Variants in KLHL1 observed in about 807,000 individuals in gnomAD.
The protein encoded by KLHL1 is kelch like family member 1.
In KLHL1, 47 loss-of-function variants were observed where a neutral mutation model predicts 77.7. The ratio of observed to expected loss-of-function variants is 0.60; its 90% confidence interval spans 0.48 to 0.77. The LOEUF (loss-of-function observed/expected upper bound fraction) is 0.77, where lower values mean the gene tolerates loss of function less well. KLHL1 is among the 30% of genes least tolerant of loss of function. The pLI, the probability that KLHL1 is intolerant of heterozygous loss-of-function variation, is 0.00. For synonymous variants in KLHL1, 360 were observed against 325.2 expected, an observed-to-expected ratio of 1.11 and a Z score of -1.15; for missense variants, 925 against 910.8, an observed-to-expected ratio of 1.02 and a Z score of -0.20.
chr13:69,829,007 T>G (rs1400454646), intron 6 of KLHL1, among the ~76,000 whole-genome samples: 1 of 150,428 alleles, frequency 6.6e-6, no homozygotes, highest in African/African-American at 2.5e-5. Context: ...TCTTAGGAGC[T>G]CTAAGGCCTT....
chr13:69,995,011 G>T (rs956120157), intron 1 of KLHL1, among the ~76,000 whole-genome samples: 1 of 152,236 alleles, frequency 6.6e-6, no homozygotes, highest in Non-Finnish European at 1.5e-5. Flanking sequence ...ACCAAAGACA[G>T]TGTGGACACG....
At chr13:70,091,699 T>C (rs1268530563) in intron 1 of KLHL1, among the ~76,000 whole-genome samples, 5 of 152,154 alleles carry the variant, frequency 3.3e-5, no homozygotes, top group Non-Finnish European at 7.4e-5. Flanking sequence ...TTTTTATTTA[T>C]TTTGTCTTTT....
intron 7 of KLHL1, among the ~76,000 whole-genome samples, chr13:69,745,947 A>T (rs1874196100): frequency 6.6e-6 from 1 of 151,640 alleles, no homozygotes; most frequent in South Asian, 2.1e-4. Context: ...TGTCTCTTCT[A>T]ATCCAGAACA....
At chr13:70,003,340 A>C (rs1885340157) in intron 1 of KLHL1, among the ~76,000 whole-genome samples, 1 of 151,774 alleles carries the variant, frequency 6.6e-6, no homozygotes, top group African/African-American at 2.4e-5. Context: ...TTTTCACATA[A>C]GAAGAAGCAA....
At chr13:69,714,894 G>GATATCCTTCT (rs1359323277) in intron 9 of KLHL1, among the ~76,000 whole-genome samples, 5 of 152,008 alleles carry the variant, frequency 3.3e-5, no homozygotes, top group Non-Finnish European at 7.4e-5. Context: ...GCACCCGGCC[G>GATATCCTTCT]ATATCCTTCT....
At chr13:69,884,426 C>CAAAA (rs60883710) in intron 4 of KLHL1, among the ~76,000 whole-genome samples, 1 of 64,898 alleles carries the variant, frequency 1.5e-5, no homozygotes, top group Admixed American at 1.8e-4. Flanking sequence ...TCAGATTTTT[C>CAAAA]AAAAAAAAAA....
rs868577973 is a variant in KLHL1, at chr13:69,787,923, C to T, written c.1639+8815G>A. On this transcript the variant is annotated intron_variant, in intron 7 of 10. Transcript: ENST00000377844. Reference sequence around the variant, plus strand: ...ATGAAAAAATGCTCATCATCACTGGCCATCAGAGAAATGCAAATCAAAACC... The same window carrying T: ...ATGAAAAAATGCTCATCATCACTGGTCATCAGAGAAATGCAAATCAAAACC... Among the ~76,000 whole-genome samples the T allele has an allele frequency of 4.4e-3, 671 of 152,258 alleles. 1 individual carries two copies. Among genetic ancestry groups the T allele is most frequent in the African/African-American group, 0.015 (639 of 41,548 alleles).
chr13:70,076,387 C>CCT (rs1555295454), intron 1 of KLHL1, among the ~76,000 whole-genome samples: 23 of 139,870 alleles, frequency 1.6e-4, no homozygotes, highest in African/African-American at 6.1e-4. Context: ...AAAGGATAAT[C>CCT]TTTTTTTTTT....
At chr13:69,842,909 A>G (rs543291277) in intron 5 of KLHL1, among the ~76,000 whole-genome samples, 1 of 151,732 alleles carries the variant, frequency 6.6e-6, no homozygotes, top group Non-Finnish European at 1.5e-5. Context: ...ACTGGAGGTC[A>G]TTATCTTAAG....
At chr13:70,049,026 A>T (rs1334052395) in intron 1 of KLHL1, among the ~76,000 whole-genome samples, 1 of 152,194 alleles carries the variant, frequency 6.6e-6, no homozygotes, top group Admixed American at 6.5e-5. Flanking sequence ...TTCATTTGTG[A>T]TAGCTTAGCC....
At chr13:69,837,067 C>A (rs1879023387) in intron 6 of KLHL1, among the ~76,000 whole-genome samples, 1 of 151,634 alleles carries the variant, frequency 6.6e-6, no homozygotes, top group Admixed American at 6.6e-5. Flanking sequence ...TTTTTTAAGA[C>A]AAAATTTTTT....
At chr13:69,754,607 C>T (rs1217222706) in intron 7 of KLHL1, among the ~76,000 whole-genome samples, 1 of 152,120 alleles carries the variant, frequency 6.6e-6, no homozygotes, top group Non-Finnish European at 1.5e-5. Context: ...CTCCCCATAG[C>T]ACCTAATAGA....
intron 1 of KLHL1, among the ~76,000 whole-genome samples, chr13:69,984,426 G>T (rs921902396): frequency 7.9e-5 from 12 of 152,076 alleles, no homozygotes; most frequent in Admixed American, 7.9e-4. Context: ...TGCCAACCAC[G>T]TGTACAGTAA....
In KLHL1 at chr13:70,075,569, G is replaced by GTATA. The variant is rs1555295388; in HGVS notation, c.497+31630_497+31633dup. ...TATATATACCTGTGTGTGTGTATGTGTATATATATATATATATATACACAC... is the reference window on the plus strand; with the variant it reads ...TATATATACCTGTGTGTGTGTATGTGTATATATATATATATATATATATACACAC... On this transcript the variant is annotated intron_variant, in intron 1 of 10. Coordinates refer to ENST00000377844, the MANE Select transcript of KLHL1 (RefSeq NM_020866.3). 3.4e-4 allele frequency among the ~76,000 whole-genome samples: 36 copies of GTATA among 106,662 alleles called. 1 individual carries two copies. Among genetic ancestry groups the GTATA allele is most frequent in the African/African-American group, 1.2e-3 (34 of 27,336 alleles). The allele number at this position is 106,662 out of a possible 152,430, so 70.0% of individuals were successfully genotyped here. A position where few individuals can be genotyped will look rare whatever the true frequency, so the allele number is the denominator to read the frequency against.
At chr13:69,920,655 A>T (rs1566403122) in intron 4 of KLHL1, among the ~76,000 whole-genome samples, 1 of 152,058 alleles carries the variant, frequency 6.6e-6, no homozygotes, top group Non-Finnish European at 1.5e-5. Context: ...GCAGCCTGGA[A>T]ATCTTTATGC....
intron 4 of KLHL1, among the ~76,000 whole-genome samples, chr13:69,928,349 G>T (rs1185885768): frequency 6.6e-6 from 1 of 152,146 alleles, no homozygotes; most frequent in African/African-American, 2.4e-5. Flanking sequence ...AACTTTTCAG[G>T]GAGACAGATT....
intron 1 of KLHL1, among the ~76,000 whole-genome samples, chr13:70,027,491 C>A (rs543063927): frequency 1.3e-5 from 2 of 151,868 alleles, no homozygotes; most frequent in Non-Finnish European, 2.9e-5. Flanking sequence ...AATATAAGTT[C>A]TATATTGTGG....
chr13:69,776,941 G>T (rs1161281079), intron 7 of KLHL1, among the ~76,000 whole-genome samples: 1 of 151,734 alleles, frequency 6.6e-6, no homozygotes, highest in African/African-American at 2.4e-5. Context: ...AGGTTAGTTT[G>T]TACCTTTTGA....
rs145263602 is a variant in KLHL1, at chr13:69,851,512, T to C, written c.1228-12350A>G. On this transcript the variant is annotated intron_variant, in intron 5 of 10. Coordinates refer to ENST00000377844, the MANE Select transcript of KLHL1 (RefSeq NM_020866.3). The stretch of plus-strand genomic sequence containing the variant: ...GATTAATTGGAGACATTTTTGACTT[T>C]AGAGTTGCATGAAGTAATAACTTTC... Among the ~76,000 whole-genome samples, 158 of 151,966 alleles carry C rather than the reference T, an allele frequency of 1.0e-3. 1 individual carries two copies. Among genetic ancestry groups the C allele is most frequent in the Admixed American group, 2.7e-3 (41 of 15,186 alleles).
Sources: allele counts gnomAD v4.1 joint callset (sites outside exome capture counted in the v4.1 genomes callset), GRCh38; gene constraint gnomAD v4.1.1; transcripts MANE v1.5; gene names NCBI Gene and HGNC (gene_info 2026-07-23, HGNC 2026-07-21).